Variants in ALK observed in about 807,000 individuals in gnomAD.
ALK encodes the protein ALK receptor tyrosine kinase.
A neutral mutation model predicts 163.1 loss-of-function variants in ALK; 74 were observed. That is an observed-to-expected ratio of 0.45 (90% CI 0.38 to 0.55). The LOEUF (loss-of-function observed/expected upper bound fraction) is 0.55. Ranked by LOEUF, ALK falls within the 20% of genes least tolerant of loss-of-function variation. The pLI is 0.00. For synonymous variants in ALK, 960 were observed against 843.2 expected (o/e 1.14, Z -2.40); for missense variants, 2,063 against 2,105.3 (o/e 0.98, Z 0.39).
intron 13 of ALK, 65 bp from the exon 14 acceptor site, chr2:29,233,761 G>T (rs1664289041): frequency 1.2e-6 from 2 of 1,606,210 alleles, no homozygotes; most frequent in Non-Finnish European, 1.7e-6. Flanking sequence ...GCAGCAGACA[G>T]AACTTCTATG....
chr2:29,643,032 T>C (rs1020525625), intron 3 of ALK, among the ~76,000 whole-genome samples: 2 of 151,942 alleles, frequency 1.3e-5, no homozygotes, highest in Non-Finnish European at 2.9e-5. Context: ...TAATAACACC[T>C]AATAGAAAGT....
intron 3 of ALK, among the ~76,000 whole-genome samples, chr2:29,693,349 T>C (rs1010561409): frequency 6.6e-6 from 1 of 151,732 alleles, no homozygotes; most frequent in African/African-American, 2.4e-5. Flanking sequence ...CTAGGCAGTC[T>C]TTTCTATAAG....
intron 3 of ALK, among the ~76,000 whole-genome samples, chr2:29,675,062 TC>T (rs1261130313): frequency 6.6e-6 from 1 of 151,946 alleles, no homozygotes; most frequent in Non-Finnish European, 1.5e-5. Flanking sequence ...GATTCTTCTC[TC>T]TTTTTTTCTT....
intron 3 of ALK, among the ~76,000 whole-genome samples, chr2:29,592,922 T>C (rs1675101474): frequency 6.6e-6 from 1 of 152,120 alleles, no homozygotes; most frequent in Admixed American, 6.6e-5. Context: ...GGAGGGAGAA[T>C]GGCCCCGCTG....
At chr2:29,771,591 G>A (rs987394299) in intron 1 of ALK, among the ~76,000 whole-genome samples, 10 of 151,748 alleles carry the variant, frequency 6.6e-5, no homozygotes, top group Non-Finnish European at 1.3e-4. Context: ...CTGGAGTGCA[G>A]TGTCACGATC....
intron 3 of ALK, among the ~76,000 whole-genome samples, chr2:29,683,872 T>C (rs1019867417): frequency 3.3e-5 from 5 of 152,190 alleles, no homozygotes; most frequent in Non-Finnish European, 5.9e-5. Context: ...TATGCCATTT[T>C]CCTGTTTACA....
At chr2:29,316,443 A>ATTT in intron 8 of ALK, among the ~76,000 whole-genome samples, 3 of 152,246 alleles carry the variant, frequency 2.0e-5, no homozygotes, top group African/African-American at 7.2e-5. Flanking sequence ...AAAACAGGCC[A>ATTT]GTAAAACGAA....
chr2:29,588,703 A>G (rs1674962176), intron 3 of ALK, among the ~76,000 whole-genome samples: 1 of 152,234 alleles, frequency 6.6e-6, no homozygotes, highest in Non-Finnish European at 1.5e-5. Flanking sequence ...GCCATTGTGG[A>G]GAAGGTGGCC....
intron 4 of ALK, among the ~76,000 whole-genome samples, chr2:29,447,021 C>T (rs978975195): frequency 5.3e-5 from 8 of 152,200 alleles, no homozygotes; most frequent in Non-Finnish European, 1.2e-4. Context: ...CAGGCACTTA[C>T]TCACTGGAAG....
rs547154631 is a variant in ALK at position 29,525,995 on chromosome 2, C to T, written c.1154+5920G>A. The stretch of plus-strand genomic sequence containing the variant: ...GGAATATGGTAAATCCAGGTATACT[C>T]AATGGGACTGGTACTTTGGGATCTA... On this transcript the variant is annotated intron_variant, in intron 4 of 28. Transcript: ENST00000389048. Among the ~76,000 whole-genome samples, 4 of 152,148 alleles carry T rather than the reference C, an allele frequency of 2.6e-5. No homozygotes were observed. In the South Asian group the frequency reaches 8.3e-4, roughly 32 times the overall value.
intron 4 of ALK, among the ~76,000 whole-genome samples, chr2:29,520,646 A>G (rs1230267254): frequency 2.0e-5 from 3 of 152,100 alleles, no homozygotes; most frequent in African/African-American, 7.2e-5. Context: ...CTTGGAGGAG[A>G]AGACCTATTG....
intron 26 of ALK, among the ~76,000 whole-genome samples, chr2:29,202,544 A>T (rs767364301): frequency 6.6e-6 from 1 of 152,260 alleles, no homozygotes; most frequent in Non-Finnish European, 1.5e-5. Context: ...ACTGTATCCT[A>T]CAATTGTATG....
At chr2:29,418,241 C>T (rs1193746825) in intron 4 of ALK, among the ~76,000 whole-genome samples, 1 of 152,146 alleles carries the variant, frequency 6.6e-6, no homozygotes, top group Admixed American at 6.5e-5. Flanking sequence ...CTTTTACATG[C>T]TCTGTCTGGT....
chr2:29,316,657 C>T (rs529671117), intron 8 of ALK, among the ~76,000 whole-genome samples: 143 of 152,290 alleles, frequency 9.4e-4, no homozygotes, highest in Non-Finnish European at 1.5e-3. Context: ...TTTATATGTT[C>T]TCTCAAAAAG....
intron 4 of ALK, among the ~76,000 whole-genome samples, chr2:29,447,842 C>CTGCTCAAA (rs1251487763): frequency 2.0e-5 from 3 of 152,060 alleles, no homozygotes; most frequent in African/African-American, 7.2e-5. Context: ...AATCTCTTTG[C>CTGCTCAAA]TGCTCAAATA....
intron 4 of ALK, among the ~76,000 whole-genome samples, chr2:29,403,448 G>T (rs746135704): frequency 5.9e-5 from 9 of 151,916 alleles, no homozygotes; most frequent in Non-Finnish European, 1.3e-4. Flanking sequence ...TCCTGAAGAG[G>T]GTCTTTTTAT....
At chr2:29,643,822 T>C (rs533171536) in intron 3 of ALK, among the ~76,000 whole-genome samples, 5 of 152,242 alleles carry the variant, frequency 3.3e-5, no homozygotes, top group African/African-American at 9.6e-5. Context: ...AGTTCAACCA[T>C]TGTGGAAGTC....
intron 1 of ALK, among the ~76,000 whole-genome samples, chr2:29,889,858 T>C (rs1473797753): frequency 6.6e-6 from 1 of 152,098 alleles, no homozygotes; most frequent in Non-Finnish European, 1.5e-5. Context: ...ATTTCATCTC[T>C]TTATGACCCA....
At chr2:29,460,049 A>G (rs1671048184) in intron 4 of ALK, among the ~76,000 whole-genome samples, 1 of 152,134 alleles carries the variant, frequency 6.6e-6, no homozygotes, top group Non-Finnish European at 1.5e-5. Context: ...GCAAATCTTG[A>G]CCCATCCACC....
Sources: gnomAD v4.1 joint callset for allele counts (sites outside exome capture counted in the v4.1 genomes callset) on GRCh38, gnomAD v4.1.1 for gene constraint, MANE v1.5 for transcripts, NCBI Gene and HGNC (gene_info 2026-07-23, HGNC 2026-07-21) for gene names.